The following CHD1L variants were observed in gnomAD, a reference collection of about 807,000 sequenced individuals.
CHD1L encodes the protein chromodomain helicase DNA binding protein 1 like, also known as ATP-dependent chromatin remodeler CHD1L.
Under a neutral mutation model 115.9 loss-of-function variants are expected in CHD1L, and 118 were observed. The observed-to-expected ratio is 1.02, with a 90% CI of 0.88 to 1.19. The LOEUF is 1.19. Ranked by LOEUF, CHD1L falls within the 50% of genes most tolerant of loss-of-function variation. The pLI is 0.00. For missense variants in CHD1L, 1,179 were observed against 1,065.3 expected, an observed-to-expected ratio of 1.11 and a Z score of -1.49; for synonymous variants, 411 against 387.1, an observed-to-expected ratio of 1.06 and a Z score of -0.72.
At chr1:147,201,671 A>G in the CHD1L span, among the ~76,000 whole-genome samples, 3 of 152,212 alleles carry the variant, frequency 2.0e-5, no homozygotes, top group Non-Finnish European at 2.9e-5. Context: ...GGCACAGATC[A>G]AGATCAGATC....
At chr1:147,243,571 G>A (rs782327353) in intron 1 of CHD1L, among the ~76,000 whole-genome samples, 57 of 152,034 alleles carry the variant, frequency 3.7e-4, no homozygotes, top group Non-Finnish European at 6.8e-4. Context: ...CTGCAGCTCC[G>A]AGACCCCGCT....
At chr1:147,291,333 G>A in intron 19 of CHD1L, 149 bp from the exon 20 acceptor site, 1 of 658,740 alleles carries the variant, frequency 1.5e-6, no homozygotes, top group South Asian at 1.8e-5. Flanking sequence ...CCAGCTAAGA[G>A]GTTGACTGAG....
the CHD1L span, chr1:147,201,356 T>C: frequency 6.2e-7 from 1 of 1,614,198 alleles, no homozygotes; most frequent in Non-Finnish European, 8.5e-7. Flanking sequence ...GTGGCAAAGA[T>C]AACAGCATCA....
chr1:147,251,343 GTT>G (rs879986286), intron 1 of CHD1L, among the ~76,000 whole-genome samples: 6 of 152,072 alleles, frequency 3.9e-5, no homozygotes, highest in Non-Finnish European at 5.9e-5. Context: ...ACCTTTCAGA[GTT>G]TTATGCTTGT....
intron 16 of CHD1L, 46 bp downstream of exon 16, chr1:147,284,545 T>A: frequency 1.5e-6 from 2 of 1,300,888 alleles, no homozygotes; most frequent in Non-Finnish European, 1.0e-6. Context: ...CAAACTCTCA[T>A]TCTAAAACAA....
Position 147,247,948 on chromosome 1 carries a change from C to T in CHD1L, c.128-4675C>T, listed in dbSNP as rs587626834. Among the ~76,000 whole-genome samples the T allele has an allele frequency of 4.6e-5, 7 of 152,234 alleles. No homozygotes were observed. In the South Asian group the frequency reaches 6.2e-4, roughly 14 times the overall value. On this transcript the variant is annotated intron_variant, in intron 1 of 22. Transcript: ENST00000369258. ...ATGTGATTAGATTGTATGTCCATTG[C>T]GTTATCCAGGCCCACCTGGATAATT...
the CHD1L span, among the ~76,000 whole-genome samples, chr1:147,217,108 C>T: frequency 2.0e-5 from 3 of 152,018 alleles, no homozygotes; most frequent in South Asian, 2.1e-4. Flanking sequence ...GGCGTGGTGG[C>T]GCATGCCTGT....
At chr1:147,213,300 C>G in the CHD1L span, 2 of 1,597,082 alleles carry the variant, frequency 1.3e-6, no homozygotes, top group Non-Finnish European at 1.7e-6. Flanking sequence ...TCCTGGTAAG[C>G]TGCTCACCAG....
At chr1:147,266,767 A>G (rs1171629880) in intron 8 of CHD1L, among the ~76,000 whole-genome samples, 1 of 152,272 alleles carries the variant, frequency 6.6e-6, no homozygotes, top group Non-Finnish European at 1.5e-5. Flanking sequence ...AAAGTTCTCA[A>G]TAAAAAAATG....
the CHD1L span, chr1:147,172,942 G>A: frequency 6.6e-6 from 1 of 152,356 alleles, no homozygotes; most frequent in African/African-American, 2.4e-5. Context: ...GTTCCTTATA[G>A]GGAATAAGAA....
intron 11 of CHD1L, chr1:147,271,227 C>A: frequency 5.1e-6 from 2 of 394,832 alleles, no homozygotes; most frequent in South Asian, 1.2e-4. Context: ...CCCACGTTCC[C>A]ATCAGTTACA....
At chr1:147,179,630 C>G in the CHD1L span, 1 of 1,498,166 alleles carries the variant, frequency 6.7e-7, no homozygotes, top group Non-Finnish European at 9.3e-7. Flanking sequence ...ATCTCTAAAG[C>G]AGTAGGCAAA....
At chr1:147,214,516 A>C in the CHD1L span, among the ~76,000 whole-genome samples, 10 of 151,620 alleles carry the variant, frequency 6.6e-5, no homozygotes, top group Non-Finnish European at 1.3e-4. Flanking sequence ...GCAATCCAGC[A>C]CTATTTATAG....
In CHD1L at chr1:147,286,299, A is replaced by G. The variant is rs1559881178; in HGVS notation, c.2020A>G (p.Met674Val). The G allele has an allele frequency of 6.2e-7, 1 of 1,613,808 alleles. No individual in the cohort carries two copies. The highest frequency in any genetic ancestry group is 8.5e-7 in the Non-Finnish European group (1 of 1,179,850). ...QKEEAEHKKK[M>V]AWWESNNYQS... ...CCTTTTGTCTCTGGCCTGCTAAAGG[A>G]TGGCCTGGTGGGAATCCAACAATTA... The change falls in exon 18 of 23, where the codon ATG becomes GTG. Residue 674 changes from methionine (M) to valine (V), a missense_variant and splice_region_variant. By Grantham distance (21) the Met-to-Val change is conservative. Coordinates refer to ENST00000369258, the MANE Select transcript of CHD1L (RefSeq NM_004284.6).
chr1:147,293,447 T>G (rs989122051), intron 20 of CHD1L, among the ~76,000 whole-genome samples, 161 bp from the exon 21 acceptor site: 1 of 152,156 alleles, frequency 6.6e-6, no homozygotes, highest in Non-Finnish European at 1.5e-5. Context: ...GGATATGAAG[T>G]CATACATATA....
intron 11 of CHD1L, among the ~76,000 whole-genome samples, chr1:147,271,356 C>T (rs587760892): frequency 6.6e-6 from 1 of 152,256 alleles, no homozygotes. Flanking sequence ...CAGTTGAGCA[C>T]TTACTCATGA....
the CHD1L span, among the ~76,000 whole-genome samples, chr1:147,194,645 C>G: frequency 9.9e-5 from 15 of 152,186 alleles, no homozygotes; most frequent in East Asian, 2.7e-3. Context: ...GTGGCTGGTA[C>G]CGGTTGTTCC....
the CHD1L span, chr1:147,203,714 C>G: frequency 6.0e-5 from 91 of 1,512,000 alleles, no homozygotes; most frequent in Non-Finnish European, 8.2e-5. Flanking sequence ...GGGTACAAGA[C>G]GTTTATCCCT....
the CHD1L span, chr1:147,208,986 A>G: frequency 3.1e-6 from 5 of 1,613,924 alleles, no homozygotes; most frequent in Non-Finnish European, 3.4e-6. Context: ...ACAACACATC[A>G]GCAGGATATC....
Sources: gnomAD v4.1 joint callset for allele counts (sites outside exome capture counted in the v4.1 genomes callset) on GRCh38, gnomAD v4.1.1 for gene constraint, MANE v1.5 for transcripts, NCBI Gene and HGNC (gene_info 2026-07-23, HGNC 2026-07-21) for gene names.